Variants in CTIF observed in about 807,000 individuals in gnomAD.
CTIF encodes CBP80/20-dependent translation initiation factor.
A neutral mutation model predicts 66.0 loss-of-function variants in CTIF; 21 were observed. That is an observed-to-expected ratio of 0.32 (90% confidence interval 0.23 to 0.46). The LOEUF is 0.46. CTIF is among the 20% of genes least tolerant of loss of function. The pLI is 1.00. For missense variants in CTIF, 739 were observed against 812.7 expected (o/e 0.91, Z 1.10); for synonymous variants, 345 against 326.4 (o/e 1.06, Z -0.62).
At chr18:48,546,047 C>T (rs529503565) in intron 1 of CTIF, among the ~76,000 whole-genome samples, 4 of 152,204 alleles carry the variant, frequency 2.6e-5, no homozygotes, top group Middle Eastern at 3.4e-3. Flanking sequence ...CTGTCCCAGC[C>T]CCTTGGAGTG....
intron 6 of CTIF, among the ~76,000 whole-genome samples, chr18:48,681,231 AG>A (rs1410511031): frequency 6.6e-6 from 1 of 152,182 alleles, no homozygotes; most frequent in Non-Finnish European, 1.5e-5. Context: ...CTATACAGCC[AG>A]GGGGGCTGGG....
chr18:48,766,580 G>A (rs901330532), intron 9 of CTIF, among the ~76,000 whole-genome samples: 12 of 152,222 alleles, frequency 7.9e-5, no homozygotes, highest in African/African-American at 2.9e-4. Context: ...CTGGGCATTC[G>A]TTAGCCAGGG....
intron 9 of CTIF, among the ~76,000 whole-genome samples, chr18:48,796,412 G>A (rs772332605): frequency 2.0e-4 from 30 of 152,018 alleles, no homozygotes; most frequent in East Asian, 1.9e-4. Context: ...TCCTGACCTC[G>A]CAATCTGCCC....
intron 1 of CTIF, among the ~76,000 whole-genome samples, chr18:48,579,876 G>T (rs1196408118): frequency 6.6e-6 from 1 of 152,196 alleles, no homozygotes; most frequent in Non-Finnish European, 1.5e-5. Context: ...CCCAAATCAG[G>T]TGTAAACTTT....
rs774876859 is a variant in CTIF, at chr18:48,558,300, G to A, written c.-29+18988G>A. On this transcript the variant is annotated intron_variant, in intron 1 of 11. Transcript: ENST00000256413. ...TGTTCACAAGTGAAGGGAGTATTCA[G>A]TATTGCTCTGCAGGAGGCTGAGTTT... Among the ~76,000 whole-genome samples, 6 of 152,364 alleles carry A rather than the reference G, an allele frequency of 3.9e-5. No individual in the cohort carries two copies. The South Asian group carries it at 6.2e-4, about 16-fold the overall frequency.
At chr18:48,540,859 CGA>C (rs1206272078) in intron 1 of CTIF, among the ~76,000 whole-genome samples, 1 of 151,964 alleles carries the variant, frequency 6.6e-6, no homozygotes, top group Non-Finnish European at 1.5e-5. Context: ...CGCGCGCGCC[CGA>C]GTTACTTGGA....
At chr18:48,598,398 C>T (rs9960321) in intron 1 of CTIF, among the ~76,000 whole-genome samples, 19 of 152,186 alleles carry the variant, frequency 1.2e-4, no homozygotes, top group Admixed American at 1.2e-3. Context: ...GCAGGCACCT[C>T]TCCGCTCTGA....
At position 48,730,495 on chromosome 18, in the gene CTIF, CTG is replaced by C. The variant is rs2092439108; in HGVS notation, c.584+18801_584+18802del. Among the ~76,000 whole-genome samples the C allele has an allele frequency of 2.5e-5, 3 of 119,176 alleles. 1 individual carries two copies. Among genetic ancestry groups the C allele is most frequent in the Admixed American group, 1.6e-4 (2 of 12,252 alleles). The allele number at this position is 119,176 out of a possible 152,430, so 78.2% of individuals were successfully genotyped here. A position where few individuals can be genotyped will look rare whatever the true frequency, so the allele number is the denominator to read the frequency against. ...GGGGCTTCCGCGGTGTGAGGGGCTT[CTG>C]CGGTGTGAGGGGCTTCTGCGGTGTG... On this transcript the variant is annotated intron_variant, in intron 7 of 11. Transcript: ENST00000256413.
chr18:48,581,221 T>C (rs2089649386), intron 1 of CTIF, among the ~76,000 whole-genome samples: 1 of 151,678 alleles, frequency 6.6e-6, no homozygotes, highest in Non-Finnish European at 1.5e-5. Context: ...GTTTTTGTTT[T>C]TTTTTGGGTT....
At chr18:48,548,909 C>T (rs551412171) in intron 1 of CTIF, among the ~76,000 whole-genome samples, 2 of 152,098 alleles carry the variant, frequency 1.3e-5, no homozygotes, top group Admixed American at 6.5e-5. Context: ...AATAGCCTTG[C>T]GCTAGTGTAA....
At chr18:48,845,201 C>G (rs1227136648) in intron 10 of CTIF, among the ~76,000 whole-genome samples, 6 of 152,218 alleles carry the variant, frequency 3.9e-5, no homozygotes, top group Non-Finnish European at 8.8e-5. Context: ...GAAATTCATT[C>G]CAAAGAAAAA....
intron 6 of CTIF, among the ~76,000 whole-genome samples, chr18:48,693,811 T>G (rs558182107): frequency 6.6e-6 from 1 of 152,292 alleles, no homozygotes; most frequent in Admixed American, 6.5e-5. Context: ...CTGTAGCTGT[T>G]TTTGCCATAC....
At chr18:48,574,122 T>G (rs1425252810) in intron 1 of CTIF, among the ~76,000 whole-genome samples, 1 of 152,192 alleles carries the variant, frequency 6.6e-6, no homozygotes, top group African/African-American at 2.4e-5. Flanking sequence ...TTCCAGCTCC[T>G]CCTTCCTGCC....
intron 3 of CTIF, among the ~76,000 whole-genome samples, chr18:48,652,660 C>G (rs1433187431): frequency 6.6e-6 from 1 of 152,056 alleles, no homozygotes; most frequent in Non-Finnish European, 1.5e-5. Flanking sequence ...TACCAAAGCC[C>G]GGCAGAGACA....
intron 7 of CTIF, among the ~76,000 whole-genome samples, chr18:48,740,867 T>C (rs1307479665): frequency 6.6e-6 from 1 of 152,246 alleles, no homozygotes; most frequent in Non-Finnish European, 1.5e-5. Flanking sequence ...AATATTTATC[T>C]AGCCCTGCAT....
intron 10 of CTIF, among the ~76,000 whole-genome samples, chr18:48,836,533 G>A (rs985072612): frequency 6.6e-6 from 1 of 152,182 alleles, no homozygotes; most frequent in African/African-American, 2.4e-5. Flanking sequence ...ACCAGTGAGT[G>A]AGATCCCCAA....
intron 7 of CTIF, among the ~76,000 whole-genome samples, chr18:48,720,233 T>C (rs1161375845): frequency 6.6e-6 from 1 of 152,210 alleles, no homozygotes; most frequent in Admixed American, 6.5e-5. Context: ...TGATTTATCT[T>C]GTTCGTGTGT....
chr18:48,825,145 C>T (rs113856957), intron 10 of CTIF, among the ~76,000 whole-genome samples: 3,246 of 152,226 alleles, frequency 0.021, 125 homozygotes, highest in African/African-American at 0.074. Context: ...GAAGGCAGGG[C>T]GCTTTCTGCC....
intron 9 of CTIF, among the ~76,000 whole-genome samples, chr18:48,789,411 C>A (rs2067744103): frequency 6.6e-6 from 1 of 152,170 alleles, no homozygotes; most frequent in South Asian, 2.1e-4. Flanking sequence ...CATAATACAA[C>A]CCTGGCCCTC....
Sources: gnomAD v4.1 joint callset for allele counts (sites outside exome capture counted in the v4.1 genomes callset) on GRCh38, gnomAD v4.1.1 for gene constraint, MANE v1.5 for transcripts, NCBI Gene and HGNC (gene_info 2026-07-23, HGNC 2026-07-21) for gene names.